The following DCDC1 variants were observed in gnomAD, a reference collection of about 807,000 sequenced individuals.
DCDC1 encodes the protein doublecortin domain containing 1, also known as doublecortin domain-containing protein 1.
Under a neutral mutation model 178.3 loss-of-function variants are expected in DCDC1, and 200 were observed. That is an observed-to-expected ratio of 1.12 (90% confidence interval 1.00 to 1.26). The LOEUF (loss-of-function observed/expected upper bound fraction) is 1.26. Ranked by LOEUF, DCDC1 falls within the 50% of genes most tolerant of loss-of-function variation. DCDC1 has a pLI of 0.00. For missense variants in DCDC1, 1,983 were observed against 1,749.2 expected (o/e 1.13, Z -2.38); for synonymous variants, 690 against 604.8 (o/e 1.14, Z -2.07).
chr11:30,891,387 G>C (rs1943758626), intron 36 of DCDC1, among the ~76,000 whole-genome samples: 1 of 152,094 alleles, frequency 6.6e-6, no homozygotes, highest in Non-Finnish European at 1.5e-5. Flanking sequence ...TCATCCCCCA[G>C]TTAGATATAG....
intron 9 of DCDC1, among the ~76,000 whole-genome samples, chr11:31,224,253 T>C (rs189073758): frequency 6.6e-6 from 1 of 151,844 alleles, no homozygotes; most frequent in East Asian, 1.9e-4. Flanking sequence ...TACATATACA[T>C]ATATATATAA....
Position 30,906,807 on chromosome 11 carries a change from T to C in DCDC1, c.3919-82A>G, listed in dbSNP as rs1023834721. ...GCTGTAGAACATTTTACAATATAAA[T>C]ATAGCACTTTTAACACCCCAAAATG... On this transcript the variant is annotated intron_variant, in intron 29 of 38. Transcript: ENST00000684477. 15 of 1,269,280 alleles carry C rather than the reference T, an allele frequency of 1.2e-5. No individual in the cohort carries two copies. In the African/African-American group the frequency reaches 1.3e-4, roughly 11 times the overall value. 78.6% of individuals were successfully genotyped at this position (1,269,280 alleles called of 1,614,324 possible).
chr11:31,156,964 A>G (rs1965771347), intron 9 of DCDC1, among the ~76,000 whole-genome samples: 1 of 152,260 alleles, frequency 6.6e-6, no homozygotes, highest in Non-Finnish European at 1.5e-5. Context: ...TATCAAAGGA[A>G]TGAAAGTAGA....
intron 22 of DCDC1, among the ~76,000 whole-genome samples, chr11:30,927,289 G>A (rs1946646675): frequency 6.6e-6 from 1 of 151,802 alleles, no homozygotes; most frequent in Non-Finnish European, 1.5e-5. Context: ...TGCTGCATGT[G>A]GCTTTCTGAT....
intron 3 of DCDC1, among the ~76,000 whole-genome samples, chr11:31,314,729 C>T (rs1194379209): frequency 7.9e-6 from 1 of 126,740 alleles, no homozygotes; most frequent in Non-Finnish European, 1.5e-5. Context: ...GTCAGGCACA[C>T]CCAGAATAAT....
At chr11:31,260,415 G>A (rs1233563631) in intron 8 of DCDC1, among the ~76,000 whole-genome samples, 1 of 152,136 alleles carries the variant, frequency 6.6e-6, no homozygotes, top group Admixed American at 6.5e-5. Context: ...GAAATATCCT[G>A]TACTTAATCT....
intron 9 of DCDC1, among the ~76,000 whole-genome samples, chr11:31,147,126 T>C (rs2136069325): frequency 6.6e-6 from 1 of 152,270 alleles, no homozygotes; most frequent in African/African-American, 2.4e-5. Context: ...CATCTGGCTG[T>C]TTGAGTTTTA....
chr11:31,103,898 G>A (rs768905377), intron 13 of DCDC1, 129 bp from the exon 14 acceptor site: 26 of 594,114 alleles, frequency 4.4e-5, no homozygotes, highest in South Asian at 1.8e-4. Flanking sequence ...GTTTCCTATT[G>A]TATAGCACTA....
chr11:30,888,466 C>G (rs1337315842), intron 36 of DCDC1, among the ~76,000 whole-genome samples: 1 of 152,180 alleles, frequency 6.6e-6, no homozygotes, highest in East Asian at 1.9e-4. Flanking sequence ...GCCTGTAATC[C>G]CAGCACTTTG....
At position 31,330,005 on chromosome 11, in the gene DCDC1, C is replaced by T. The variant is rs183284676; in HGVS notation, c.-6-1719G>A. Among the ~76,000 whole-genome samples the T allele has an allele frequency of 5.9e-5, 9 of 152,318 alleles. No individual in the cohort carries two copies. In the East Asian group the frequency reaches 7.7e-4, roughly 13 times the overall value. On this transcript the variant is annotated intron_variant, in intron 2 of 38. Transcript: ENST00000684477. ...CCTCCACAATGGTTGAACTAGTTTA[C>T]ACTCCCACCAGCAGTGTAAAAGCAT...
At chr11:31,311,831 A>C (rs1377159281) in intron 3 of DCDC1, among the ~76,000 whole-genome samples, 2 of 152,178 alleles carry the variant, frequency 1.3e-5, no homozygotes, top group African/African-American at 4.8e-5. Flanking sequence ...TACATTATAA[A>C]TTTCTGAAAG....
At chr11:31,177,376 G>T (rs1287231453) in intron 9 of DCDC1, among the ~76,000 whole-genome samples, 2 of 151,596 alleles carry the variant, frequency 1.3e-5, no homozygotes, top group African/African-American at 4.8e-5. Context: ...AAACAAAAAT[G>T]CATCTTTGAA....
At chr11:30,983,344 A>T (rs537871335) in intron 20 of DCDC1, among the ~76,000 whole-genome samples, 1 of 152,330 alleles carries the variant, frequency 6.6e-6, no homozygotes, top group Non-Finnish European at 1.5e-5. Flanking sequence ...AGTGCCTAAT[A>T]AATGGAATTA....
At chr11:31,291,808 A>G (rs373684109) in intron 6 of DCDC1, among the ~76,000 whole-genome samples, 1 of 152,068 alleles carries the variant, frequency 6.6e-6, no homozygotes, top group Non-Finnish European at 1.5e-5. Flanking sequence ...GCTATTTTGC[A>G]TTGAAATTTG....
chr11:31,224,862 G>A (rs905047867), intron 9 of DCDC1, among the ~76,000 whole-genome samples: 1 of 152,054 alleles, frequency 6.6e-6, no homozygotes, highest in Non-Finnish European at 1.5e-5. Context: ...AAAAATAATA[G>A]ATGTTAGCAT....
chr11:30,995,505 T>A (rs903428230), intron 20 of DCDC1, among the ~76,000 whole-genome samples: 1 of 152,090 alleles, frequency 6.6e-6, no homozygotes, highest in Non-Finnish European at 1.5e-5. Context: ...CAATTCCAGG[T>A]CTTGCTATGG....
chr11:30,980,937 C>T (rs1055957946), intron 20 of DCDC1, among the ~76,000 whole-genome samples: 2 of 152,094 alleles, frequency 1.3e-5, no homozygotes, highest in Admixed American at 1.3e-4. Flanking sequence ...TTCACAATAG[C>T]AAAGTCATGG....
chr11:31,177,267 T>C (rs76162327), intron 9 of DCDC1, among the ~76,000 whole-genome samples: 3,130 of 151,498 alleles, frequency 0.021, 96 homozygotes, highest in African/African-American at 0.071. Context: ...AGCCCCATGA[T>C]AATGACAAAG....
intron 38 of DCDC1, among the ~76,000 whole-genome samples, chr11:30,870,219 G>A (rs917643646): frequency 2.6e-5 from 4 of 152,120 alleles, no homozygotes; most frequent in Non-Finnish European, 5.9e-5. Flanking sequence ...CTGTTGCTGC[G>A]GTGCCTGTAT....
Sources: allele counts gnomAD v4.1 joint callset (sites outside exome capture counted in the v4.1 genomes callset), GRCh38; gene constraint gnomAD v4.1.1; transcripts MANE v1.5; gene names NCBI Gene and HGNC (gene_info 2026-07-23, HGNC 2026-07-21).